Variants in NUDT5 observed in about 807,000 individuals in gnomAD.
The protein encoded by NUDT5 is ADP-sugar pyrophosphatase.
NUDT5 carries 21 observed loss-of-function variants against 34.1 expected under a neutral mutation model. The observed-to-expected ratio is 0.62, with a 90% CI of 0.44 to 0.89. The LOEUF is 0.89. Among genes scored for constraint, NUDT5 ranks in the 40% least tolerant of loss-of-function variants. NUDT5 has a pLI of 0.00. For missense variants in NUDT5, 249 were observed against 274.8 expected (o/e 0.91, Z 0.66); for synonymous variants, 85 against 97.6 (o/e 0.87, Z 0.76).
chr10:12,173,925 G>A lies in NUDT5; in HGVS notation c.290-112C>T. The A allele has an allele frequency of 1.3e-6, 1 of 780,586 alleles. No individual in the cohort carries two copies. Among genetic ancestry groups the A allele is most frequent in the Non-Finnish European group, 2.2e-6 (1 of 450,804 alleles). 48.4% of individuals were successfully genotyped at this position (780,586 alleles called of 1,614,324 possible). The stretch of plus-strand genomic sequence containing the variant: ...TCTGTCGCCCAGGCTGGAGTGCAGT[G>A]GTGCGATCTCGGCCCACTGCAACCT... On this transcript the variant is annotated intron_variant, in intron 5 of 9. Transcript: ENST00000491614. This position sits in a 1 kb window ranked among gnomAD's most constrained non-coding sequence, Gnocchi z 4.7.
intron 4 of NUDT5, 55 bp from the exon 5 acceptor site, chr10:12,177,955 G>T: frequency 7.5e-7 from 1 of 1,339,322 alleles, no homozygotes; most frequent in Non-Finnish European, 1.1e-6. Context: ...AGCAATGCCA[G>T]CACATTGTTT....
chr10:12,184,483 C>G lies in NUDT5; in HGVS notation c.131+406G>C, dbSNP rs1221673946. On this transcript the variant is annotated intron_variant, in intron 3 of 9. Transcript: ENST00000491614. ...TTTCCCAATTTGCATTTCCATGAGG[C>G]AGGCACGTACCTCAAAATTAGCAAT... The G allele has an allele frequency of 3.2e-6, 5 of 1,550,490 alleles. No individual in the cohort carries two copies. The African/African-American group carries it at 6.8e-5, about 21-fold the overall frequency.
At chr10:12,176,680 A>G (rs1297628858) in intron 5 of NUDT5, among the ~76,000 whole-genome samples, 5 of 152,252 alleles carry the variant, frequency 3.3e-5, no homozygotes, top group Non-Finnish European at 5.9e-5. Context: ...ACAATCCAAT[A>G]AAGTCCTACA....
At position 12,172,885 on chromosome 10, in the gene NUDT5, G is replaced by GTCAGATGCGT. The variant is rs1355260869; in HGVS notation, c.386-29_386-20dup. 3 of 1,512,232 alleles carry GTCAGATGCGT rather than the reference G, an allele frequency of 2.0e-6. No homozygotes were observed. The highest frequency in any genetic ancestry group is 2.8e-6 in the Non-Finnish European group (3 of 1,088,042). The allele number at this position is 1,512,232 out of a possible 1,614,324, so 93.7% of individuals were successfully genotyped here. Reference sequence around the variant, plus strand: ...CAGACCGCTGTGGAGAGAAGGGACAGTCAGATGCGTCAGTCCCTTTGGCAT... The same window carrying GTCAGATGCGT: ...CAGACCGCTGTGGAGAGAAGGGACAGTCAGATGCGTTCAGATGCGTCAGTCCCTTTGGCAT... On this transcript the variant is annotated intron_variant, in intron 6 of 9. Transcript: ENST00000491614.
intron 1 of NUDT5, among the ~76,000 whole-genome samples, chr10:12,189,869 T>C (rs1174153881): frequency 6.6e-6 from 1 of 151,492 alleles, no homozygotes; most frequent in Non-Finnish European, 1.5e-5. Flanking sequence ...AAAAGATACA[T>C]GTACACGATG....
intron 4 of NUDT5, 124 bp from the exon 5 acceptor site, chr10:12,178,024 G>A (rs1834984380): frequency 1.7e-6 from 1 of 598,180 alleles, no homozygotes; most frequent in Admixed American, 3.0e-5. Context: ...TACAATACTG[G>A]CAGTTAATAT....
intron 1 of NUDT5, among the ~76,000 whole-genome samples, chr10:12,192,394 T>TAC: frequency 6.6e-6 from 1 of 152,254 alleles, no homozygotes; most frequent in Non-Finnish European, 1.5e-5. Flanking sequence ...ATTGTCTTGT[T>TAC]AAAGTCAGGC....
chr10:12,170,238 T>C lies in NUDT5; in HGVS notation c.550+479A>G. The C allele has an allele frequency of 6.3e-7, 1 of 1,583,344 alleles. No individual in the cohort carries two copies. Among genetic ancestry groups the C allele is most frequent in the South Asian group, 1.1e-5 (1 of 90,340 alleles). On this transcript the variant is annotated intron_variant, in intron 9 of 9. Coordinates refer to ENST00000491614, the MANE Select transcript of NUDT5 (RefSeq NM_014142.4). The surrounding 1 kb of genome is among the most constrained non-coding windows in gnomAD (Gnocchi z 4.9). ...AGGGCCACACAGCTGGTTTGGTTTA[T>C]TATGTGAAAAGCATATCACACGGAG...
In NUDT5 at chr10:12,182,677, T is replaced by C. The variant is rs1835061573; in HGVS notation, c.131+2212A>G. ...CTGATGTACATCCCTGATTAGGAAA[T>C]GCAGGAAGGGCAGAAGACCAGTCAG... On this transcript the variant is annotated intron_variant, in intron 3 of 9. Transcript: ENST00000491614. This position sits in a 1 kb window ranked among gnomAD's most constrained non-coding sequence, Gnocchi z 4.3. Among the ~76,000 whole-genome samples the C allele has an allele frequency of 6.6e-6, 1 of 152,194 alleles. No homozygotes were observed. Among genetic ancestry groups the C allele is most frequent in the Admixed American group, 6.5e-5 (1 of 15,278 alleles).
rs1445907012 is a variant in NUDT5, at chr10:12,173,991, A to T, written c.290-178T>A. ...TAAGCAATTCTCTGCTTCAGCCTCC[A>T]GAGTAGCTGGGATTACAGGCGCGTG... is the stretch of plus-strand genomic sequence containing the variant. On this transcript the variant is annotated intron_variant, in intron 5 of 9. Coordinates refer to ENST00000491614, the MANE Select transcript of NUDT5 (RefSeq NM_014142.4). The surrounding 1 kb of genome is among the most constrained non-coding windows in gnomAD (Gnocchi z 4.7). Among the ~76,000 whole-genome samples, 1 of 151,172 alleles carries T rather than the reference A, an allele frequency of 6.6e-6. No individual in the cohort carries two copies. Among genetic ancestry groups the T allele is most frequent in the South Asian group, 2.1e-4 (1 of 4,794 alleles).
chr10:12,173,996 A>G lies in NUDT5; in HGVS notation c.290-183T>C, dbSNP rs1037136775. ...AATTCTCTGCTTCAGCCTCCAGAGT[A>G]GCTGGGATTACAGGCGCGTGCCACC... On this transcript the variant is annotated intron_variant, in intron 5 of 9. Coordinates refer to ENST00000491614, the MANE Select transcript of NUDT5 (RefSeq NM_014142.4). The surrounding 1 kb of genome is among the most constrained non-coding windows in gnomAD (Gnocchi z 4.7). Among the ~76,000 whole-genome samples, 2 of 151,810 alleles carry G rather than the reference A, an allele frequency of 1.3e-5. No homozygotes were observed. The highest frequency in any genetic ancestry group is 4.8e-5 in the African/African-American group (2 of 41,310).
chr10:12,172,767 G>A lies in NUDT5; in HGVS notation c.485C>T (p.Pro162Leu), dbSNP rs142131555. 2.2e-5 allele frequency: 35 copies of A among 1,610,590 alleles called. No individual in the cohort carries two copies. The African/African-American group carries it at 2.5e-4, about 12-fold the overall frequency. The change falls in exon 7 of 10, where the codon CCA becomes CTA. Residue 162 changes from proline to leucine, a missense_variant and splice_region_variant. Transcript: ENST00000491614. ...CATCACAGCCGACACACACATACCT[G>A]GCTTTGGCTTCGGCCTTGCGTTTTC... ...DAENARPKPKPGDGEFVEVIS... is the reference protein window; with the variant it reads ...DAENARPKPKLGDGEFVEVIS...
At chr10:12,188,728 TAAAAAAAAAA>T (rs1230471724) in intron 1 of NUDT5, among the ~76,000 whole-genome samples, 1 of 74,692 alleles carries the variant, frequency 1.3e-5, no homozygotes, top group Non-Finnish European at 2.3e-5. Context: ...AGACTCCATC[TAAAAAAAAAA>T]AAAAAAAAAA....
intron 5 of NUDT5, among the ~76,000 whole-genome samples, chr10:12,176,368 C>T (rs1834949767): frequency 6.6e-6 from 1 of 151,998 alleles, no homozygotes; most frequent in South Asian, 2.1e-4. Context: ...CTTTGAGAGG[C>T]CAAGGTGGGT....
chr10:12,187,289 G>A lies in NUDT5; in HGVS notation c.-41-957C>T, dbSNP rs908199229. The stretch of plus-strand genomic sequence containing the variant: ...GCTCAAGCGATCCTCCTCCCGCCTC[G>A]GTGTCCCAAAGTGCTGGGATTACAG... On this transcript the variant is annotated intron_variant, in intron 1 of 9. Coordinates refer to ENST00000491614, the MANE Select transcript of NUDT5 (RefSeq NM_014142.4). This position sits in a 1 kb window ranked among gnomAD's most constrained non-coding sequence, Gnocchi z 5.4. 1.3e-5 allele frequency among the ~76,000 whole-genome samples: 2 copies of A among 152,012 alleles called. No homozygotes were observed. The highest frequency in any genetic ancestry group is 2.4e-5 in the African/African-American group (1 of 41,492).
At position 12,171,476 on chromosome 10, in the gene NUDT5, A is replaced by G. The variant is rs907990507; in HGVS notation, c.488-568T>C. On this transcript the variant is annotated intron_variant, in intron 7 of 9. Transcript: ENST00000491614. The surrounding 1 kb of genome is among the most constrained non-coding windows in gnomAD (Gnocchi z 4.2). The stretch of plus-strand genomic sequence containing the variant: ...TATACCACACTTTGTGGATGCATTC[A>G]TCTGCTGGCAGACACCTGGGTTGTT... 5.3e-5 allele frequency among the ~76,000 whole-genome samples: 8 copies of G among 152,176 alleles called. No homozygotes were observed. Among genetic ancestry groups the G allele is most frequent in the African/African-American group, 1.9e-4 (8 of 41,444 alleles).
chr10:12,166,921 T>C lies in NUDT5; in HGVS notation c.*781A>G. 1 of 298,180 alleles carries C rather than the reference T, an allele frequency of 3.4e-6. No individual in the cohort carries two copies. The highest frequency in any genetic ancestry group is 2.9e-5 in the South Asian group (1 of 34,014). 18.5% of individuals were successfully genotyped at this position (298,180 alleles called of 1,614,324 possible). ...GTACTGGCTGATCTTGCTGGTTCTG[T>C]TCATGGTTTAACATCAAGATATTAC... On this transcript the variant is annotated 3_prime_UTR_variant, in exon 10 of 10. Coordinates refer to ENST00000491614, the MANE Select transcript of NUDT5 (RefSeq NM_014142.4).
At chr10:12,186,455 C>A in intron 1 of NUDT5, 123 bp from the exon 2 acceptor site, 1 of 626,372 alleles carries the variant, frequency 1.6e-6, no homozygotes, top group East Asian at 2.8e-5. Context: ...CTGCCTGTCT[C>A]AGTATGTGAG....
In NUDT5 at chr10:12,181,652, G is replaced by T. The variant is rs573442367; in HGVS notation, c.132-2520C>A. ...TGCCATTTCATGACCCTCTGTGGGA[G>T]TACCTGCAGAGGGAAGTCGCCGTGT... is the stretch of plus-strand genomic sequence containing the variant. On this transcript the variant is annotated intron_variant, in intron 3 of 9. Coordinates refer to ENST00000491614, the MANE Select transcript of NUDT5 (RefSeq NM_014142.4). This position sits in a 1 kb window ranked among gnomAD's most constrained non-coding sequence, Gnocchi z 5.0. 9.5e-4 allele frequency among the ~76,000 whole-genome samples: 145 copies of T among 152,142 alleles called. No homozygotes were observed. Among genetic ancestry groups the T allele is most frequent in the African/African-American group, 3.5e-3 (145 of 41,484 alleles).
Sources: gnomAD v4.1 joint callset for allele counts (sites outside exome capture counted in the v4.1 genomes callset) on GRCh38, gnomAD v4.1.1 for gene constraint, Gnocchi (gnomAD v3.1) non-coding constraint, MANE v1.5 for transcripts, NCBI Gene and HGNC (gene_info 2026-07-23, HGNC 2026-07-21) for gene names.